The following GRIP1 variants were observed in gnomAD, a reference collection of about 807,000 sequenced individuals.
The protein encoded by GRIP1 is glutamate receptor-interacting protein 1.
Under a neutral mutation model 129.9 loss-of-function variants are expected in GRIP1, and 45 were observed. The ratio of observed to expected loss-of-function variants is 0.35; its 90% CI spans 0.27 to 0.44. The LOEUF is 0.44. Ranked by LOEUF, GRIP1 falls within the 20% of genes least tolerant of loss-of-function variation. The probability of loss-of-function intolerance (pLI) is 1.00; values close to 1 mark genes in which losing one functional copy is unlikely to be tolerated. For missense variants in GRIP1, 1,196 were observed against 1,396.8 expected (o/e 0.86, Z 2.29); for synonymous variants, 530 against 520.8 (o/e 1.02, Z -0.24).
At position 66,661,473 on chromosome 12, in the gene GRIP1, A is replaced by AAG. The variant is rs1491412109; in HGVS notation, c.55+17376_55+17377insCT. Among the ~76,000 whole-genome samples, 7 of 74,338 alleles carry AAG rather than the reference A, an allele frequency of 9.4e-5. 1 individual carries two copies. Among genetic ancestry groups the AAG allele is most frequent in the African/African-American group, 1.9e-4 (3 of 15,942 alleles). The allele number at this position is 74,338 out of a possible 152,430, so 48.8% of individuals were successfully genotyped here. On this transcript the variant is annotated intron_variant, in intron 1 of 24. Transcript: ENST00000359742. ...TTAGATTTTGGCAAAAAAAAAAAAA[A>AAG]GGTGGAGGGGAGATGGGAAAAAAAA...
upstream of GRIP1, among the ~76,000 whole-genome samples, chr12:66,806,641 C>T (rs1248752948): frequency 6.6e-6 from 1 of 150,704 alleles, no homozygotes. Flanking sequence ...AAACATTTCA[C>T]TAGAGTTTGA....
chr12:66,525,762 G>C (rs1327412841), intron 5 of GRIP1, among the ~76,000 whole-genome samples: 1 of 152,178 alleles, frequency 6.6e-6, no homozygotes, highest in East Asian at 1.9e-4. Context: ...CAGATGATGT[G>C]ATTGTATATC....
chr12:66,677,938 C>G (rs981567439), intron 1 of GRIP1, among the ~76,000 whole-genome samples: 1 of 152,080 alleles, frequency 6.6e-6, no homozygotes, highest in Non-Finnish European at 1.5e-5. Flanking sequence ...CTCTATATTA[C>G]AGGCTGAAAA....
chr12:66,710,685 C>T (rs1453846955), intron 1 of GRIP1, among the ~76,000 whole-genome samples: 2 of 151,816 alleles, frequency 1.3e-5, no homozygotes, highest in Non-Finnish European at 2.9e-5. Context: ...TTTGCAAGAC[C>T]TTTATGATTA....
chr12:66,894,755 C>T (rs2040717652), intron 1 of GRIP1, among the ~76,000 whole-genome samples: 1 of 152,206 alleles, frequency 6.6e-6, no homozygotes, highest in Non-Finnish European at 1.5e-5. Flanking sequence ...TCAGACCCTG[C>T]AAGGGACAAG....
chr12:66,485,784 T>C (rs1302903316), intron 7 of GRIP1, among the ~76,000 whole-genome samples: 1 of 151,672 alleles, frequency 6.6e-6, no homozygotes, highest in Non-Finnish European at 1.5e-5. Flanking sequence ...ATATAATTGA[T>C]CCATTATCAT....
In GRIP1 at chr12:66,905,272, T is replaced by A. The variant is rs559606881; in HGVS notation, c.58+163778A>T. Among the ~76,000 whole-genome samples the A allele has an allele frequency of 1.2e-3, 181 of 152,352 alleles. 2 individuals are homozygous for A. Among genetic ancestry groups the A allele is most frequent in the African/African-American group, 4.2e-3 (173 of 41,584 alleles). ...GGCAAGTTGCCTGGTTCTTGTTTTA[T>A]AAAAATGTTCATTGTAGGAAATCTC... On this transcript the variant is annotated intron_variant, in intron 1 of 1. Coordinates refer to the GRIP1 transcript ENST00000643019.
At chr12:66,927,123 T>C (rs775529504) in intron 1 of GRIP1, among the ~76,000 whole-genome samples, 1 of 152,214 alleles carries the variant, frequency 6.6e-6, no homozygotes, top group African/African-American at 2.4e-5. Flanking sequence ...ATTACTTGTC[T>C]ATACCCTCCA....
intron 7 of GRIP1, among the ~76,000 whole-genome samples, chr12:66,483,400 A>C (rs375379725): frequency 1.5e-4 from 23 of 152,330 alleles, no homozygotes; most frequent in African/African-American, 5.1e-4. Context: ...CAATGTTCAA[A>C]TAAGCTTCGT....
At chr12:66,409,830 G>A (rs1438076354) in intron 15 of GRIP1, among the ~76,000 whole-genome samples, 1 of 152,164 alleles carries the variant, frequency 6.6e-6, no homozygotes, top group African/African-American at 2.4e-5. Flanking sequence ...AATCCTATCA[G>A]ATAAATTCAA....
chr12:66,501,355 G>A (rs150839957), intron 7 of GRIP1, among the ~76,000 whole-genome samples: 195 of 152,268 alleles, frequency 1.3e-3, no homozygotes, highest in African/African-American at 4.1e-3. Flanking sequence ...GCCTGGTGGG[G>A]AATATTGTAG....
intron 1 of GRIP1, among the ~76,000 whole-genome samples, chr12:66,992,985 G>A (rs557281210): frequency 3.9e-5 from 6 of 152,194 alleles, no homozygotes; most frequent in African/African-American, 1.4e-4. Context: ...GTGGTGGCAT[G>A]CACCTGTGGT....
intron 2 of GRIP1, among the ~76,000 whole-genome samples, chr12:66,562,469 G>A (rs1362058450): frequency 2.0e-5 from 3 of 152,250 alleles, no homozygotes; most frequent in South Asian, 2.1e-4. Flanking sequence ...ACTTTATGAA[G>A]CTTGAAGAAA....
chr12:66,809,431 T>C (rs992944968), intron 1 of GRIP1, among the ~76,000 whole-genome samples: 2 of 152,200 alleles, frequency 1.3e-5, no homozygotes, highest in African/African-American at 4.8e-5. Context: ...TCATAGCATC[T>C]GCACGCAATG....
intron 1 of GRIP1, among the ~76,000 whole-genome samples, chr12:66,734,447 T>C (rs17779811): frequency 0.043 from 6,574 of 152,262 alleles, 190 homozygotes; most frequent in Non-Finnish European, 0.064. Flanking sequence ...ACTGCTGTCA[T>C]GTTTCAGGAT....
intron 1 of GRIP1, among the ~76,000 whole-genome samples, chr12:67,038,060 GC>G (rs1328751837): frequency 6.6e-6 from 1 of 152,154 alleles, no homozygotes; most frequent in Non-Finnish European, 1.5e-5. Context: ...ATCTACACTG[GC>G]TATCTGATGT....
chr12:66,668,649 G>T (rs1366408852), intron 1 of GRIP1, among the ~76,000 whole-genome samples: 4 of 152,124 alleles, frequency 2.6e-5, no homozygotes, highest in African/African-American at 9.7e-5. Flanking sequence ...CCGAGTGCAG[G>T]AATAGCTCAC....
chr12:66,963,178 G>A (rs1174213558), intron 1 of GRIP1, among the ~76,000 whole-genome samples: 2 of 152,004 alleles, frequency 1.3e-5, no homozygotes, highest in African/African-American at 4.8e-5. Flanking sequence ...AGCCAGGTGT[G>A]GTGGCATGCA....
chr12:67,031,164 C>G (rs1030673259), intron 1 of GRIP1, among the ~76,000 whole-genome samples: 2 of 152,148 alleles, frequency 1.3e-5, no homozygotes. Flanking sequence ...TGTCCGCTCC[C>G]TCATTTCTTA....
Sources: gnomAD v4.1 joint callset for allele counts (sites outside exome capture counted in the v4.1 genomes callset) on GRCh38, gnomAD v4.1.1 for gene constraint, MANE v1.5 for transcripts, NCBI Gene and HGNC (gene_info 2026-07-23, HGNC 2026-07-21) for gene names.